The following TJP1 variants were observed in gnomAD, a reference collection of about 807,000 sequenced individuals.
The protein encoded by TJP1 is tight junction protein 1.
Under a neutral mutation model 194.2 loss-of-function variants are expected in TJP1, and 43 were observed. The ratio of observed to expected loss-of-function variants is 0.22; its 90% confidence interval spans 0.17 to 0.29. The LOEUF (loss-of-function observed/expected upper bound fraction) is 0.29. TJP1 is among the 10% of genes least tolerant of loss of function. The probability of loss-of-function intolerance (pLI) is 1.00; values close to 1 mark genes in which losing one functional copy is unlikely to be tolerated. For missense variants in TJP1, 1,971 were observed against 2,185.7 expected, an observed-to-expected ratio of 0.90 and a Z score of 1.96; for synonymous variants, 801 against 779.0, an observed-to-expected ratio of 1.03 and a Z score of -0.47.
At chr15:29,706,626 T>C (rs1289104023) in intron 25 of TJP1, among the ~76,000 whole-genome samples, 3 of 152,184 alleles carry the variant, frequency 2.0e-5, no homozygotes, top group Non-Finnish European at 4.4e-5. Flanking sequence ...ACTTTAAAAC[T>C]GGTAAGTCAC....
At chr15:29,935,153 C>T (rs934110405) in intron 2 of TJP1, among the ~76,000 whole-genome samples, 1 of 152,220 alleles carries the variant, frequency 6.6e-6, no homozygotes, top group South Asian at 2.1e-4. Context: ...ACCAGTAACA[C>T]TTGTAGATCT....
At chr15:29,716,199 A>T (rs2042551295) in intron 23 of TJP1, among the ~76,000 whole-genome samples, 1 of 152,230 alleles carries the variant, frequency 6.6e-6, no homozygotes, top group Admixed American at 6.5e-5. Flanking sequence ...TACAAAAACA[A>T]AAAACAAAAA....
intron 8 of TJP1, among the ~76,000 whole-genome samples, chr15:29,757,121 C>G (rs996090250): frequency 4.6e-5 from 7 of 152,178 alleles, no homozygotes; most frequent in African/African-American, 1.7e-4. Context: ...TAACCAAAGG[C>G]AGGCTGGGAC....
intron 2 of TJP1, among the ~76,000 whole-genome samples, chr15:29,792,982 T>C (rs1247507701): frequency 6.6e-6 from 1 of 152,268 alleles, no homozygotes; most frequent in East Asian, 1.9e-4. Flanking sequence ...GCAATTTTAC[T>C]AAACCTCAGT....
chr15:29,736,049 T>A (rs556784090), intron 11 of TJP1, among the ~76,000 whole-genome samples: 2 of 152,096 alleles, frequency 1.3e-5, no homozygotes, highest in East Asian at 1.9e-4. Flanking sequence ...AATAAAAAAA[T>A]GTACCAGAAT....
intron 18 of TJP1, among the ~76,000 whole-genome samples, chr15:29,725,839 TG>T (rs2043206416): frequency 6.6e-6 from 1 of 152,246 alleles, no homozygotes; most frequent in African/African-American, 2.4e-5. Flanking sequence ...AGGAAATGCA[TG>T]AAGTCGGCTT....
At chr15:29,920,987 G>A (rs927760902) in intron 2 of TJP1, among the ~76,000 whole-genome samples, 4 of 152,108 alleles carry the variant, frequency 2.6e-5, no homozygotes, top group African/African-American at 4.8e-5. Context: ...TGGATGGATC[G>A]GCAGATACGT....
At chr15:29,773,040 T>C (rs975120968) in intron 3 of TJP1, among the ~76,000 whole-genome samples, 193 bp downstream of exon 3, 3 of 152,182 alleles carry the variant, frequency 2.0e-5, no homozygotes, top group African/African-American at 7.2e-5. Flanking sequence ...AGTGCTAGGA[T>C]TACAGGAGTG....
At chr15:29,812,740 C>T (rs1030269321) in intron 1 of TJP1, among the ~76,000 whole-genome samples, 2 of 152,224 alleles carry the variant, frequency 1.3e-5, no homozygotes, top group South Asian at 2.1e-4. Flanking sequence ...CAGAGATAAT[C>T]GTAGTATCTA....
chr15:29,962,236 C>A (rs1387853753), intron 1 of TJP1, among the ~76,000 whole-genome samples: 1 of 152,186 alleles, frequency 6.6e-6, no homozygotes, highest in Non-Finnish European at 1.5e-5. Context: ...CTTTTCTACT[C>A]CCCATCCTTG....
rs182973269 is a variant in TJP1 at position 29,829,437 on chromosome 15, T to C, written c.307-28735A>G. Among the ~76,000 whole-genome samples, 13 of 152,198 alleles carry C rather than the reference T, an allele frequency of 8.5e-5. No individual in the cohort carries two copies. In the East Asian group the frequency reaches 1.7e-3, roughly 20 times the overall value. On this transcript the variant is annotated intron_variant, in intron 2 of 28. Coordinates refer to the TJP1 transcript ENST00000356107. The stretch of plus-strand genomic sequence containing the variant: ...CAGAGAGCATAAATACAAAGTCACA[T>C]AGAGGGTCCACGTGGAGTTTCACAT...
chr15:29,836,088 T>C (rs1000945857), intron 2 of TJP1, among the ~76,000 whole-genome samples: 3 of 152,168 alleles, frequency 2.0e-5, no homozygotes, highest in Non-Finnish European at 4.4e-5. Flanking sequence ...CAGAGCACTC[T>C]CTAATAGGGA....
At chr15:29,770,073 G>C (rs2046561235) in intron 4 of TJP1, among the ~76,000 whole-genome samples, 1 of 152,144 alleles carries the variant, frequency 6.6e-6, no homozygotes. Flanking sequence ...TGACACTGAT[G>C]ACCCTGATCC....
intron 2 of TJP1, among the ~76,000 whole-genome samples, chr15:29,953,548 T>G (rs1327172923): frequency 6.6e-6 from 1 of 152,202 alleles, no homozygotes; most frequent in African/African-American, 2.4e-5. Context: ...AATTGCCATA[T>G]CTTATGGTAG....
chr15:29,856,176 T>G (rs1719023), intron 2 of TJP1, among the ~76,000 whole-genome samples: 3 of 152,182 alleles, frequency 2.0e-5, no homozygotes, highest in Admixed American at 2.0e-4. Context: ...CCTGTAGTCT[T>G]AGCTACTCAA....
chr15:29,869,251 G>A (rs914898996), intron 2 of TJP1, among the ~76,000 whole-genome samples: 3 of 152,130 alleles, frequency 2.0e-5, no homozygotes, highest in African/African-American at 7.2e-5. Flanking sequence ...TTCTATGCAG[G>A]ACACAACAGT....
At chr15:29,926,313 A>C (rs2054521568) in intron 2 of TJP1, among the ~76,000 whole-genome samples, 2 of 152,212 alleles carry the variant, frequency 1.3e-5, no homozygotes, top group Non-Finnish European at 2.9e-5. Flanking sequence ...AATAGTAAAG[A>C]AGCATTTGGG....
intron 2 of TJP1, among the ~76,000 whole-genome samples, chr15:29,920,154 G>A (rs1410518227): frequency 6.6e-6 from 1 of 152,188 alleles, no homozygotes; most frequent in Non-Finnish European, 1.5e-5. Flanking sequence ...GAGCCTGTTA[G>A]TTACAGTACG....
intron 2 of TJP1, among the ~76,000 whole-genome samples, chr15:29,877,565 C>G (rs183024573): frequency 6.6e-6 from 1 of 151,636 alleles, no homozygotes; most frequent in Non-Finnish European, 1.5e-5. Context: ...CTTTCTTTTT[C>G]TCTTTCTTTC....
Sources: gnomAD v4.1 joint callset for allele counts (sites outside exome capture counted in the v4.1 genomes callset) on GRCh38, gnomAD v4.1.1 for gene constraint, MANE v1.5 for transcripts, NCBI Gene and HGNC (gene_info 2026-07-23, HGNC 2026-07-21) for gene names.